The following CSGALNACT1 variants were observed in gnomAD, a reference collection of about 807,000 sequenced individuals.
The protein encoded by CSGALNACT1 is chondroitin sulfate N-acetylgalactosaminyltransferase 1.
A neutral mutation model predicts 51.0 loss-of-function variants in CSGALNACT1; 52 were observed. The observed-to-expected ratio is 1.02, with a 90% CI of 0.82 to 1.29. The LOEUF is 1.29. CSGALNACT1 is among the 50% of genes most tolerant of loss of function. The pLI, the probability that CSGALNACT1 is intolerant of heterozygous loss-of-function variation, is 0.00. For synonymous variants in CSGALNACT1, 341 were observed against 254.4 expected, an observed-to-expected ratio of 1.34 and a Z score of -3.24; for missense variants, 935 against 679.2, an observed-to-expected ratio of 1.38 and a Z score of -4.19.
At chr8:19,707,632 G>GCAAAGATAATCAA (rs60988333) in intron 1 of CSGALNACT1, among the ~76,000 whole-genome samples, 1 of 151,700 alleles carries the variant, frequency 6.6e-6, no homozygotes, top group Non-Finnish European at 1.5e-5. Flanking sequence ...AGAGCTACAC[G>GCAAAGATAATCAA]CAATGGAAGA....
intron 1 of CSGALNACT1, among the ~76,000 whole-genome samples, chr8:19,638,701 T>A (rs1275501211): frequency 6.6e-6 from 1 of 152,180 alleles, no homozygotes; most frequent in Non-Finnish European, 1.5e-5. Context: ...AGAACGGGAA[T>A]AGAATCCTGT....
chr8:19,654,124 G>A (rs1589287498), intron 1 of CSGALNACT1, among the ~76,000 whole-genome samples: 2 of 152,342 alleles, frequency 1.3e-5, no homozygotes, highest in Admixed American at 1.3e-4. Flanking sequence ...ACTGCTTTCA[G>A]AGTGCTTGAG....
In CSGALNACT1 at chr8:19,745,686, C is replaced by T. The variant is rs573052126; in HGVS notation, c.-297+12164G>A. On this transcript the variant is annotated intron_variant, in intron 1 of 1. Transcript: ENST00000517494. Reference sequence around the variant, plus strand: ...AAATACATCCCTCTGCCTTGAAGTACGCAGTGAGGGCTCACCATCCCCAGG... The same window carrying T: ...AAATACATCCCTCTGCCTTGAAGTATGCAGTGAGGGCTCACCATCCCCAGG... Among the ~76,000 whole-genome samples, 12 of 152,258 alleles carry T rather than the reference C, an allele frequency of 7.9e-5. No homozygotes were observed. The South Asian group carries it at 2.1e-3, about 26-fold the overall frequency.
intron 5 of CSGALNACT1, among the ~76,000 whole-genome samples, chr8:19,456,507 A>C (rs2064129264): frequency 6.6e-6 from 1 of 152,260 alleles, no homozygotes; most frequent in Admixed American, 6.5e-5. Context: ...CAACAACTGC[A>C]TTCAGAACGC....
chr8:19,756,527 AC>A (rs1381812205), intron 1 of CSGALNACT1, among the ~76,000 whole-genome samples: 1 of 152,040 alleles, frequency 6.6e-6, no homozygotes, highest in Non-Finnish European at 1.5e-5. Flanking sequence ...GAAACAAACA[AC>A]TTTGCCTCCG....
At chr8:19,649,420 A>T (rs1452895865) in intron 1 of CSGALNACT1, among the ~76,000 whole-genome samples, 1 of 152,190 alleles carries the variant, frequency 6.6e-6, no homozygotes, top group Non-Finnish European at 1.5e-5. Flanking sequence ...GCAAAAAATA[A>T]TAAATCCAGT....
chr8:19,465,733 A>C (rs2066518186), intron 4 of CSGALNACT1, among the ~76,000 whole-genome samples: 3 of 152,202 alleles, frequency 2.0e-5, no homozygotes, highest in Non-Finnish European at 4.4e-5. Flanking sequence ...TGACAACATG[A>C]AAAGATCTTG....
At chr8:19,503,093 A>G (rs1365205736) in intron 4 of CSGALNACT1, among the ~76,000 whole-genome samples, 1 of 152,228 alleles carries the variant, frequency 6.6e-6, no homozygotes, top group Admixed American at 6.5e-5. Flanking sequence ...TGCCTCCACA[A>G]TCTTGTGGTA....
chr8:19,407,681 CT>C (rs2054532292), intron 9 of CSGALNACT1, among the ~76,000 whole-genome samples: 1 of 152,106 alleles, frequency 6.6e-6, no homozygotes, highest in Non-Finnish European at 1.5e-5. Context: ...TCCCAAGGGC[CT>C]TTTCTCTCTG....
intron 5 of CSGALNACT1, among the ~76,000 whole-genome samples, chr8:19,454,613 G>A (rs1267483675): frequency 6.6e-6 from 1 of 152,200 alleles, no homozygotes; most frequent in African/African-American, 2.4e-5. Context: ...GGAGGCTGTG[G>A]TGAGCTAAGG....
At chr8:19,704,822 C>G (rs2062068475) in intron 1 of CSGALNACT1, among the ~76,000 whole-genome samples, 1 of 152,116 alleles carries the variant, frequency 6.6e-6, no homozygotes, top group Non-Finnish European at 1.5e-5. Context: ...GGACATTATG[C>G]TAAGTGAAAC....
At chr8:19,562,282 T>C (rs1253610996) in intron 3 of CSGALNACT1, among the ~76,000 whole-genome samples, 2 of 152,232 alleles carry the variant, frequency 1.3e-5, no homozygotes, top group African/African-American at 4.8e-5. Context: ...ATAAAAATTC[T>C]TCAGGCTAAG....
chr8:19,622,074 C>G (rs546228719), intron 1 of CSGALNACT1, among the ~76,000 whole-genome samples: 89 of 152,304 alleles, frequency 5.8e-4, no homozygotes, highest in African/African-American at 2.1e-3. Context: ...AAAATGGCCA[C>G]TGGTTAACAG....
At chr8:19,464,795 T>C (rs540122495) in intron 4 of CSGALNACT1, among the ~76,000 whole-genome samples, 1 of 152,210 alleles carries the variant, frequency 6.6e-6, no homozygotes, top group Non-Finnish European at 1.5e-5. Context: ...TGTTGTGGAA[T>C]TGTCTTCCAC....
At chr8:19,712,169 G>T (rs2062547949) in intron 1 of CSGALNACT1, among the ~76,000 whole-genome samples, 2 of 152,158 alleles carry the variant, frequency 1.3e-5, no homozygotes, top group Non-Finnish European at 2.9e-5. Flanking sequence ...GGGACTACAG[G>T]TTCGCGCCGC....
chr8:19,432,070 T>C (rs2059728635), intron 6 of CSGALNACT1, among the ~76,000 whole-genome samples: 1 of 152,174 alleles, frequency 6.6e-6, no homozygotes, highest in South Asian at 2.1e-4. Flanking sequence ...CTGGCAATCT[T>C]TACGTCTTCA....
At chr8:19,601,085 T>A (rs937550157) in intron 2 of CSGALNACT1, among the ~76,000 whole-genome samples, 1 of 152,202 alleles carries the variant, frequency 6.6e-6, no homozygotes, top group Non-Finnish European at 1.5e-5. Context: ...TTATTTTGTA[T>A]TTTTTAAGTT....
intron 1 of CSGALNACT1, among the ~76,000 whole-genome samples, chr8:19,749,251 T>G (rs1435694276): frequency 1.3e-5 from 2 of 152,006 alleles, no homozygotes; most frequent in African/African-American, 4.8e-5. Context: ...TTCAATTCAT[T>G]TTAATACACT....
intron 1 of CSGALNACT1, among the ~76,000 whole-genome samples, chr8:19,652,570 TG>T (rs771778731): frequency 6.6e-6 from 1 of 152,148 alleles, no homozygotes; most frequent in Non-Finnish European, 1.5e-5. Flanking sequence ...TTCTGTCTAT[TG>T]CCTCTTTCCA....
Sources: allele counts gnomAD v4.1 joint callset (sites outside exome capture counted in the v4.1 genomes callset), GRCh38; gene constraint gnomAD v4.1.1; transcripts MANE v1.5; gene names NCBI Gene and HGNC (gene_info 2026-07-23, HGNC 2026-07-21).